The following MYO16 variants were observed in gnomAD, a reference collection of about 807,000 sequenced individuals.
The protein encoded by MYO16 is myosin XVI, also known as unconventional myosin-XVI.
Under a neutral mutation model 205.3 loss-of-function variants are expected in MYO16, and 94 were observed. The observed-to-expected ratio is 0.46, with a 90% CI of 0.39 to 0.54. MYO16 has a LOEUF of 0.54. MYO16 is among the 20% of genes least tolerant of loss of function. MYO16 has a pLI of 0.00. For missense variants in MYO16, 2,315 were observed against 2,387.5 expected (o/e 0.97, Z 0.63); for synonymous variants, 988 against 954.0 (o/e 1.04, Z -0.66).
At chr13:108,869,568 C>A (rs1322482994) in intron 12 of MYO16, among the ~76,000 whole-genome samples, 2 of 143,150 alleles carry the variant, frequency 1.4e-5, no homozygotes, top group South Asian at 2.2e-4. Context: ...ACTAAAAATA[C>A]AAAAAAAAAA....
intron 24 of MYO16, chr13:109,048,494 G>T: frequency 2.0e-6 from 1 of 494,304 alleles, no homozygotes; most frequent in Non-Finnish European, 3.7e-6. Flanking sequence ...CACCTCTGCT[G>T]TTATAATGTG....
chr13:109,117,656 C>A (rs73619916), intron 28 of MYO16, among the ~76,000 whole-genome samples: 115 of 151,772 alleles, frequency 7.6e-4, no homozygotes, highest in African/African-American at 2.8e-3. Flanking sequence ...AGGTGGATAT[C>A]AAAACTCTAG....
chr13:108,795,605 C>G (rs564654598), intron 6 of MYO16, among the ~76,000 whole-genome samples: 1 of 152,242 alleles, frequency 6.6e-6, no homozygotes, highest in East Asian at 1.9e-4. Context: ...CAACGTAACT[C>G]TGTCATAAGA....
chr13:109,070,375 A>T (rs1292612911), intron 27 of MYO16, among the ~76,000 whole-genome samples: 3 of 152,196 alleles, frequency 2.0e-5, no homozygotes, highest in African/African-American at 7.2e-5. Flanking sequence ...TGTTGAATGG[A>T]CTAACACACA....
At chr13:108,687,842 T>C (rs998177728) in intron 2 of MYO16, among the ~76,000 whole-genome samples, 3 of 152,182 alleles carry the variant, frequency 2.0e-5, no homozygotes, top group Admixed American at 2.0e-4. Context: ...GCAGAAGGAC[T>C]GGGATAATAA....
the MYO16 span, among the ~76,000 whole-genome samples, chr13:108,588,454 A>G: frequency 6.6e-6 from 1 of 152,174 alleles, no homozygotes; most frequent in African/African-American, 2.4e-5. Flanking sequence ...TGAAACCAAG[A>G]GCAGATTTAG....
intron 4 of MYO16, among the ~76,000 whole-genome samples, chr13:108,784,007 C>T (rs1004931759): frequency 1.3e-5 from 2 of 152,168 alleles, no homozygotes; most frequent in African/African-American, 2.4e-5. Flanking sequence ...CAAGGCATGG[C>T]CTTCCCATGT....
chr13:108,678,308 T>C (rs1436373672), intron 2 of MYO16, among the ~76,000 whole-genome samples: 1 of 152,200 alleles, frequency 6.6e-6, no homozygotes, highest in Non-Finnish European at 1.5e-5. Flanking sequence ...TCTGACCTTC[T>C]CAAGATCATT....
chr13:108,783,126 A>G (rs1886356223), intron 4 of MYO16, among the ~76,000 whole-genome samples: 1 of 152,130 alleles, frequency 6.6e-6, no homozygotes, highest in South Asian at 2.1e-4. Context: ...AAAGCCACAG[A>G]CACTCAACAC....
At position 109,088,881 on chromosome 13, in the gene MYO16, G is replaced by T. The variant is rs534957006; in HGVS notation, c.3336-11904G>T. Among the ~76,000 whole-genome samples, 19 of 152,338 alleles carry T rather than the reference G, an allele frequency of 1.2e-4. No homozygotes were observed. In the South Asian group the frequency reaches 3.9e-3, roughly 32 times the overall value. ...CAGGTGGTCCCGCAACCGCTCAGGA[G>T]GGCGGGCAGCCCCTCACTCCTCCAG... On this transcript the variant is annotated intron_variant, in intron 27 of 34. Coordinates refer to ENST00000457511, the MANE Select transcript of MYO16 (RefSeq NM_001198950.3).
intron 16 of MYO16, among the ~76,000 whole-genome samples, chr13:108,940,348 G>A (rs1882672010): frequency 6.6e-6 from 1 of 151,996 alleles, no homozygotes; most frequent in Admixed American, 6.6e-5. Context: ...TGCCAAATGT[G>A]GGCCACTTCC....
chr13:108,502,889 A>G, the MYO16 span, among the ~76,000 whole-genome samples: 1 of 152,200 alleles, frequency 6.6e-6, no homozygotes, highest in Non-Finnish European at 1.5e-5. Flanking sequence ...CATTTCAGAG[A>G]TTTAAATCTA....
intron 12 of MYO16, among the ~76,000 whole-genome samples, chr13:108,873,752 C>CCCAACCAACCAGGACAGGGTCCATG (rs755047027): frequency 8.8e-6 from 1 of 113,048 alleles, no homozygotes; most frequent in East Asian, 2.9e-4. Flanking sequence ...CAGGGTCCAT[C>CCCAACCAACCAGGACAGGGTCCATG]CCAACCAACC....
chr13:109,094,214 ATTTAC>A (rs943708527), intron 27 of MYO16, among the ~76,000 whole-genome samples: 5 of 151,724 alleles, frequency 3.3e-5, no homozygotes, highest in Non-Finnish European at 4.4e-5. Flanking sequence ...ACACTTCCTT[ATTTAC>A]TTTATTTTTT....
At chr13:108,622,586 G>C (rs1294518129) in intron 1 of MYO16, among the ~76,000 whole-genome samples, 2 of 151,458 alleles carry the variant, frequency 1.3e-5, no homozygotes, top group African/African-American at 2.4e-5. Flanking sequence ...GTTATTTATG[G>C]GAGTGTGAAG....
In MYO16 at chr13:109,206,979, T is replaced by C. The variant is rs1365807551; in HGVS notation, c.*143T>C. Reference sequence around the variant, plus strand: ...GCACAGGACACAGACACTAAATATATGAGATCCCGTGTGTGTGTGTGTGTG... The same window carrying C: ...GCACAGGACACAGACACTAAATATACGAGATCCCGTGTGTGTGTGTGTGTG... On this transcript the variant is annotated 3_prime_UTR_variant, in exon 35 of 35. Coordinates refer to ENST00000457511, the MANE Select transcript of MYO16 (RefSeq NM_001198950.3). 1 of 647,512 alleles carries C rather than the reference T, an allele frequency of 1.5e-6. No individual in the cohort carries two copies. Among genetic ancestry groups the C allele is most frequent in the Non-Finnish European group, 2.6e-6 (1 of 378,704 alleles). The allele number at this position is 647,512 out of a possible 1,614,324, so 40.1% of individuals were successfully genotyped here.
At chr13:109,056,608 A>G (rs889566218) in intron 27 of MYO16, among the ~76,000 whole-genome samples, 4 of 152,176 alleles carry the variant, frequency 2.6e-5, no homozygotes, top group African/African-American at 9.7e-5. Context: ...AATAATGGCC[A>G]TTCAGTGCTT....
chr13:109,181,693 TGAGTCCACA>T (rs1215671263), intron 34 of MYO16, among the ~76,000 whole-genome samples: 2 of 152,194 alleles, frequency 1.3e-5, no homozygotes, highest in Non-Finnish European at 2.9e-5. Context: ...GAAAATTCAC[TGAGTCCACA>T]GTTTGAATGG....
intron 2 of MYO16, among the ~76,000 whole-genome samples, chr13:108,685,862 G>A (rs1343010326): frequency 2.0e-5 from 3 of 152,162 alleles, no homozygotes; most frequent in African/African-American, 7.2e-5. Context: ...TTGTGTGTCT[G>A]GGTCCTAACC....
Sources: allele counts gnomAD v4.1 joint callset (sites outside exome capture counted in the v4.1 genomes callset), GRCh38; gene constraint gnomAD v4.1.1; transcripts MANE v1.5; gene names NCBI Gene and HGNC (gene_info 2026-07-23, HGNC 2026-07-21).